The following ABTB3 variants were observed in gnomAD, a reference collection of about 807,000 sequenced individuals.
ABTB3 encodes ankyrin repeat and BTB domain containing 3.
the ABTB3 span, among the ~76,000 whole-genome samples, chr12:107,569,994 G>T: frequency 6.6e-6 from 1 of 152,246 alleles, no homozygotes; most frequent in Non-Finnish European, 1.5e-5. Context: ...CTTCCCTTTG[G>T]GGCCCTTCCT....
At chr12:107,652,407 C>A in the ABTB3 span, among the ~76,000 whole-genome samples, 67 of 152,262 alleles carry the variant, frequency 4.4e-4, no homozygotes, top group African/African-American at 1.5e-3. Flanking sequence ...TGCCTGGGAC[C>A]CATCACAGAC....
chr12:107,430,851 G>A, the ABTB3 span, among the ~76,000 whole-genome samples: 1 of 152,166 alleles, frequency 6.6e-6, no homozygotes, highest in South Asian at 2.1e-4. Context: ...CCTTTGATCA[G>A]TATGATTGAA....
chr12:107,371,167 G>C, the ABTB3 span, among the ~76,000 whole-genome samples: 2 of 152,040 alleles, frequency 1.3e-5, no homozygotes, highest in African/African-American at 2.4e-5. Context: ...GCTTGATTCC[G>C]GCTTGAGTAG....
At chr12:107,479,247 G>GT in the ABTB3 span, among the ~76,000 whole-genome samples, 2 of 152,006 alleles carry the variant, frequency 1.3e-5, no homozygotes, top group Non-Finnish European at 2.9e-5. Context: ...TTTTGCCACT[G>GT]TTTTTTTCTC....
At chr12:107,333,238 GC>G in the ABTB3 span, among the ~76,000 whole-genome samples, 1 of 152,164 alleles carries the variant, frequency 6.6e-6, no homozygotes, top group Admixed American at 6.5e-5. Flanking sequence ...TCAGAAGGTG[GC>G]CTGGAAGTGT....
chr12:107,377,089 G>T, the ABTB3 span, among the ~76,000 whole-genome samples: 1 of 152,138 alleles, frequency 6.6e-6, no homozygotes, highest in African/African-American at 2.4e-5. Context: ...TGCTGCTGGC[G>T]CAGCTCTCAG....
chr12:107,552,857 A>G, the ABTB3 span, among the ~76,000 whole-genome samples: 1 of 152,110 alleles, frequency 6.6e-6, no homozygotes, highest in Non-Finnish European at 1.5e-5. Context: ...ACCCTTCCCT[A>G]CCACTTCAGA....
At chr12:107,336,738 C>T in the ABTB3 span, among the ~76,000 whole-genome samples, 1 of 152,240 alleles carries the variant, frequency 6.6e-6, no homozygotes, top group African/African-American at 2.4e-5. Context: ...CTTCAACATA[C>T]TGTTCAGCGG....
At chr12:107,370,548 C>T in the ABTB3 span, among the ~76,000 whole-genome samples, 1 of 152,154 alleles carries the variant, frequency 6.6e-6, no homozygotes, top group Middle Eastern at 3.2e-3. Flanking sequence ...TCTCTCAGCC[C>T]TTTCCCCTGA....
the ABTB3 span, among the ~76,000 whole-genome samples, chr12:107,351,549 G>T: frequency 2.6e-5 from 4 of 152,176 alleles, no homozygotes; most frequent in Non-Finnish European, 4.4e-5. Flanking sequence ...ACCTTTAAGA[G>T]ATAATTAGAA....
the ABTB3 span, among the ~76,000 whole-genome samples, chr12:107,481,779 C>T: frequency 7.2e-5 from 11 of 152,206 alleles, no homozygotes; most frequent in Non-Finnish European, 1.5e-4. Context: ...GCCACTTCTT[C>T]ACTCTGTTCT....
the ABTB3 span, among the ~76,000 whole-genome samples, chr12:107,403,849 C>T: frequency 6.6e-6 from 1 of 151,994 alleles, no homozygotes; most frequent in African/African-American, 2.4e-5. Context: ...CCTTTCCTGC[C>T]CCCCTACCCA....
At chr12:107,463,614 A>G in the ABTB3 span, among the ~76,000 whole-genome samples, 11 of 152,192 alleles carry the variant, frequency 7.2e-5, no homozygotes, top group Non-Finnish European at 1.3e-4. Flanking sequence ...TCAGACTCCA[A>G]AGTTTGTCCC....
chr12:107,387,412 A>T, the ABTB3 span, among the ~76,000 whole-genome samples: 34 of 152,124 alleles, frequency 2.2e-4, no homozygotes, highest in African/African-American at 8.0e-4. Flanking sequence ...AAGTCAGTGA[A>T]TTTTTGTTGA....
At chr12:107,392,482 G>A in the ABTB3 span, among the ~76,000 whole-genome samples, 3 of 152,050 alleles carry the variant, frequency 2.0e-5, no homozygotes, top group Admixed American at 6.6e-5. Flanking sequence ...CTCCAGCCAC[G>A]CAGGTCGTTC....
the ABTB3 span, chr12:107,649,101 A>T: frequency 3.1e-6 from 3 of 965,072 alleles, no homozygotes; most frequent in Non-Finnish European, 4.8e-6. Flanking sequence ...TTTGGAATGG[A>T]TGTCCTAGAG....
At chr12:107,617,042 A>G in the ABTB3 span, 1 of 1,581,968 alleles carries the variant, frequency 6.3e-7, no homozygotes, top group South Asian at 1.1e-5. Context: ...ACACCTGTGC[A>G]CAGTGTATCT....
chr12:107,471,677 C>G, the ABTB3 span, among the ~76,000 whole-genome samples: 1 of 152,158 alleles, frequency 6.6e-6, no homozygotes, highest in Non-Finnish European at 1.5e-5. Context: ...GCAAGAGACA[C>G]AGAAGCAGCT....
At chr12:107,584,063 G>C in the ABTB3 span, among the ~76,000 whole-genome samples, 2 of 152,290 alleles carry the variant, frequency 1.3e-5, no homozygotes, top group East Asian at 3.9e-4. Flanking sequence ...GGACATGAAA[G>C]GATAAACCAT....
Sources: gnomAD v4.1 joint callset for allele counts (sites outside exome capture counted in the v4.1 genomes callset) on GRCh38, gnomAD v4.1.1 for gene constraint, MANE v1.5 for transcripts, NCBI Gene and HGNC (gene_info 2026-07-23, HGNC 2026-07-21) for gene names.